Variants in GLIS3 observed in about 807,000 individuals in gnomAD.
GLIS3 encodes zinc finger protein GLIS3.
In GLIS3, 53 loss-of-function variants were observed where a neutral mutation model predicts 78.6. The ratio of observed to expected loss-of-function variants is 0.67; its 90% CI spans 0.54 to 0.85. The LOEUF is 0.85. Ranked by LOEUF, GLIS3 falls within the 40% of genes least tolerant of loss-of-function variation. GLIS3 has a pLI of 0.00. For synonymous variants in GLIS3, 684 were observed against 509.9 expected (o/e 1.34, Z -4.60); for missense variants, 1,703 against 1,231.1 (o/e 1.38, Z -5.74).
intron 2 of GLIS3, among the ~76,000 whole-genome samples, chr9:4,197,014 G>A (rs919423437): frequency 5.3e-5 from 8 of 152,116 alleles, no homozygotes; most frequent in Non-Finnish European, 7.4e-5. Flanking sequence ...CACCTTTCAC[G>A]GACATAGATC....
chr9:4,444,198 G>C, the GLIS3 span, among the ~76,000 whole-genome samples: 94 of 152,244 alleles, frequency 6.2e-4, no homozygotes, highest in African/African-American at 2.2e-3. Flanking sequence ...GTACCAATCA[G>C]CATAAAAAGA....
chr9:4,127,749 T>G (rs562472182), intron 2 of GLIS3, among the ~76,000 whole-genome samples: 1 of 151,358 alleles, frequency 6.6e-6, no homozygotes, highest in South Asian at 2.1e-4. Context: ...CCACTATTAT[T>G]AAAAGCAACA....
chr9:4,077,422 G>A (rs1360938895), intron 4 of GLIS3, among the ~76,000 whole-genome samples: 1 of 152,158 alleles, frequency 6.6e-6, no homozygotes, highest in Non-Finnish European at 1.5e-5. Context: ...ACAGGAGAGG[G>A]ACTGGGCATA....
At chr9:4,303,025 G>A (rs1453848571), upstream of GLIS3, among the ~76,000 whole-genome samples, 1 of 152,112 alleles carries the variant, frequency 6.6e-6, no homozygotes, top group African/African-American at 2.4e-5. Flanking sequence ...TACAAAATAG[G>A]AACATCCACT....
At chr9:4,076,149 T>C (rs2027390) in intron 4 of GLIS3, among the ~76,000 whole-genome samples, 1 of 152,114 alleles carries the variant, frequency 6.6e-6, no homozygotes, top group East Asian at 1.9e-4. Flanking sequence ...CCCAACAAGT[T>C]GATTAAACAA....
At chr9:4,014,253 A>T (rs778996126) in intron 4 of GLIS3, among the ~76,000 whole-genome samples, 1 of 152,186 alleles carries the variant, frequency 6.6e-6, no homozygotes, top group Non-Finnish European at 1.5e-5. Flanking sequence ...GCAGAAGGTT[A>T]AGTCACAGAA....
intron 3 of GLIS3, among the ~76,000 whole-genome samples, chr9:4,120,288 T>C (rs1832075430): frequency 6.6e-6 from 1 of 152,186 alleles, no homozygotes. Flanking sequence ...AAATGCACAG[T>C]ACAAGGTGAT....
At chr9:3,964,494 A>G (rs10814809) in intron 4 of GLIS3, among the ~76,000 whole-genome samples, 22,816 of 152,216 alleles carry the variant, frequency 0.15, 2,425 homozygotes, top group East Asian at 0.48. Context: ...GAATTCAATC[A>G]CACACTCTGT....
chr9:3,876,546 G>GTAAT (rs1821320778), intron 8 of GLIS3, among the ~76,000 whole-genome samples: 1 of 146,280 alleles, frequency 6.8e-6, no homozygotes, highest in Admixed American at 6.9e-5. Flanking sequence ...CCCTACTGAA[G>GTAAT]TAATTAGCAG....
chr9:4,401,994 C>A, the GLIS3 span, among the ~76,000 whole-genome samples: 2 of 152,128 alleles, frequency 1.3e-5, no homozygotes, highest in Non-Finnish European at 2.9e-5. Context: ...AGATAAACTG[C>A]CAAGGTTTTT....
the GLIS3 span, among the ~76,000 whole-genome samples, chr9:4,414,542 G>C: frequency 1.3e-5 from 2 of 152,114 alleles, no homozygotes. Context: ...CCTATATAAT[G>C]CTGGTGGATA....
intron 2 of GLIS3, among the ~76,000 whole-genome samples, chr9:4,186,757 G>A (rs1210576021): frequency 6.6e-6 from 1 of 152,146 alleles, no homozygotes; most frequent in Admixed American, 6.5e-5. Flanking sequence ...CAGTGATGAT[G>A]AGCTTTTTTT....
At chr9:4,013,532 A>C (rs1428523745) in intron 4 of GLIS3, among the ~76,000 whole-genome samples, 1 of 152,214 alleles carries the variant, frequency 6.6e-6, no homozygotes, top group Non-Finnish European at 1.5e-5. Context: ...ATACACATCT[A>C]TACATTTATA....
the GLIS3 span, among the ~76,000 whole-genome samples, chr9:4,435,189 G>C: frequency 2.0e-5 from 3 of 152,132 alleles, no homozygotes; most frequent in Non-Finnish European, 4.4e-5. Context: ...CTGCATGCTT[G>C]GTCTGGAAGA....
chr9:3,839,097 A>G (rs1818557114), intron 9 of GLIS3, among the ~76,000 whole-genome samples: 1 of 152,216 alleles, frequency 6.6e-6, no homozygotes, highest in South Asian at 2.1e-4. Context: ...CTTCTTAAGT[A>G]GCCTTCTGAC....
At chr9:4,220,544 T>C (rs907244586) in intron 2 of GLIS3, among the ~76,000 whole-genome samples, 16 of 152,094 alleles carry the variant, frequency 1.1e-4, no homozygotes, top group African/African-American at 1.9e-4. Context: ...CCAAAGTATA[T>C]AGCCTGGGCC....
chr9:4,085,878 A>G (rs1050939748), intron 4 of GLIS3, among the ~76,000 whole-genome samples: 2 of 152,198 alleles, frequency 1.3e-5, no homozygotes, highest in African/African-American at 2.4e-5. Flanking sequence ...AGCACATGCC[A>G]CTATGCTTCC....
At chr9:4,394,494 C>CAA in the GLIS3 span, among the ~76,000 whole-genome samples, 1 of 152,048 alleles carries the variant, frequency 6.6e-6, no homozygotes, top group Non-Finnish European at 1.5e-5. Flanking sequence ...TCTTGAACAA[C>CAA]AAGCACGGGA....
chr9:3,849,509 G>A (rs1297038677), intron 9 of GLIS3, among the ~76,000 whole-genome samples: 1 of 152,198 alleles, frequency 6.6e-6, no homozygotes, highest in East Asian at 1.9e-4. Flanking sequence ...GAGGATGGAA[G>A]CCACCTGTTA....
Sources: allele counts gnomAD v4.1 joint callset (sites outside exome capture counted in the v4.1 genomes callset), GRCh38; gene constraint gnomAD v4.1.1; transcripts MANE v1.5; gene names NCBI Gene and HGNC (gene_info 2026-07-23, HGNC 2026-07-21).